Variants in VPS13B observed in about 807,000 individuals in gnomAD.
VPS13B encodes intermembrane lipid transfer protein VPS13B.
A neutral mutation model predicts 426.4 loss-of-function variants in VPS13B; 285 were observed. The ratio of observed to expected loss-of-function variants is 0.67; its 90% CI spans 0.61 to 0.74. The LOEUF (loss-of-function observed/expected upper bound fraction) is 0.74, where lower values mean the gene tolerates loss of function less well. Ranked by LOEUF, VPS13B falls within the 30% of genes least tolerant of loss-of-function variation. VPS13B has a pLI of 0.00. For synonymous variants in VPS13B, 1,676 were observed against 1,676.4 expected, an observed-to-expected ratio of 1.00 and a Z score of 0.01; for missense variants, 4,537 against 4,782.6, an observed-to-expected ratio of 0.95 and a Z score of 1.51.
chr8:99,446,881 T>C (rs1342068723), intron 23 of VPS13B, among the ~76,000 whole-genome samples: 1 of 152,188 alleles, frequency 6.6e-6, no homozygotes, highest in East Asian at 1.9e-4. Context: ...AACCGCAAAT[T>C]AGTTTTCCTG....
At chr8:99,603,582 C>T (rs533170519) in intron 33 of VPS13B, among the ~76,000 whole-genome samples, 34 of 152,052 alleles carry the variant, frequency 2.2e-4, no homozygotes, top group Non-Finnish European at 3.7e-4. Flanking sequence ...GAATAATGGG[C>T]GGGTCATATA....
intron 3 of VPS13B, among the ~76,000 whole-genome samples, chr8:99,079,915 A>G (rs947998712): frequency 6.6e-6 from 1 of 151,482 alleles, no homozygotes; most frequent in African/African-American, 2.4e-5. Flanking sequence ...ACAAGAGCGA[A>G]ACTCCATCTC....
chr8:99,812,683 C>T (rs1346865909), intron 44 of VPS13B, among the ~76,000 whole-genome samples: 1 of 152,170 alleles, frequency 6.6e-6, no homozygotes, highest in Non-Finnish European at 1.5e-5. Flanking sequence ...TTCCATGTTT[C>T]CCATCTTTTT....
chr8:99,529,972 A>C (rs560918186), intron 30 of VPS13B, among the ~76,000 whole-genome samples: 67 of 152,260 alleles, frequency 4.4e-4, no homozygotes, highest in African/African-American at 1.6e-3. Flanking sequence ...GTCTAATCCA[A>C]TAATGCTTAT....
chr8:99,770,672 C>G (rs1811442398), intron 40 of VPS13B, among the ~76,000 whole-genome samples: 1 of 152,158 alleles, frequency 6.6e-6, no homozygotes, highest in African/African-American at 2.4e-5. Context: ...TGCAAAGGAA[C>G]CGGGAAAATA....
At chr8:99,030,135 CTTTTTTTT>C (rs58542671) in intron 2 of VPS13B, among the ~76,000 whole-genome samples, 3 of 75,732 alleles carry the variant, frequency 4.0e-5, no homozygotes, top group East Asian at 7.8e-4. Context: ...AAAATACATG[CTTTTTTTT>C]TTTTTTTTTT....
At chr8:99,206,509 A>C (rs1384554911) in intron 17 of VPS13B, among the ~76,000 whole-genome samples, 2 of 152,190 alleles carry the variant, frequency 1.3e-5, no homozygotes, top group African/African-American at 4.8e-5. Flanking sequence ...CATTAGGATC[A>C]TGTCGTTCTG....
rs947358902 is a variant in VPS13B, at chr8:99,152,694, A to G, written c.2014-3855A>G. 1.6e-4 allele frequency among the ~76,000 whole-genome samples: 25 copies of G among 151,782 alleles called. 1 individual carries two copies. On this transcript the variant is annotated intron_variant, in intron 14 of 61. Transcript: ENST00000357162. ...GTCTTTAGGCACATCCATGTTAGGG[A>G]CTGTTATGTCTTTTTACGGAATTGA...
intron 33 of VPS13B, among the ~76,000 whole-genome samples, chr8:99,585,547 G>T (rs1027803359): frequency 6.6e-6 from 1 of 152,072 alleles, no homozygotes; most frequent in Non-Finnish European, 1.5e-5. Context: ...ATCAATTAAC[G>T]TAAAGCACTA....
intron 3 of VPS13B, among the ~76,000 whole-genome samples, chr8:99,088,807 T>G (rs1845983872): frequency 6.6e-6 from 1 of 152,224 alleles, no homozygotes; most frequent in Admixed American, 6.5e-5. Flanking sequence ...AGTTTCTTTT[T>G]ACAGCTTGAT....
intron 3 of VPS13B, among the ~76,000 whole-genome samples, chr8:99,082,380 A>G (rs1262510998): frequency 6.6e-6 from 1 of 152,208 alleles, no homozygotes; most frequent in Non-Finnish European, 1.5e-5. Context: ...TCCGATGAGT[A>G]AATTGCAAAA....
chr8:99,835,737 A>G lies in VPS13B; in HGVS notation c.9941A>G (p.Gln3314Arg), dbSNP rs558911841. 107 of 1,614,118 alleles carry G rather than the reference A, an allele frequency of 6.6e-5. 2 individuals carry two copies. The East Asian group carries it at 2.4e-3, about 36-fold the overall frequency. ...DAIDINSQGT[Q>R]VVFLTGFGYV... ...ATTGACATCAACAGTCAGGGAACAC[A>G]GGTCAGTGAGCCATGTGTTCCTGCC... Residue 3314 changes from glutamine to arginine, a missense_variant and splice_region_variant, in exon 54 of 62, where the codon CAG becomes CGG. By Grantham distance (43) the Gln-to-Arg change is conservative. Around this residue, in one of 2 missense-constraint regions of VPS13B, gnomAD observed 4,311 missense variants for 4,474.3 expected, o/e 0.96. Coordinates refer to ENST00000357162, the MANE Select transcript of VPS13B (RefSeq NM_152564.5).
At chr8:99,486,066 T>A (rs1306706096) in intron 25 of VPS13B, among the ~76,000 whole-genome samples, 2 of 152,190 alleles carry the variant, frequency 1.3e-5, no homozygotes, top group African/African-American at 4.8e-5. Context: ...GAGCCCTCTG[T>A]TGCAGAATTG....
intron 25 of VPS13B, 144 bp downstream of exon 25, chr8:99,481,946 C>T (rs558136415): frequency 2.2e-5 from 22 of 998,386 alleles, no homozygotes; most frequent in South Asian, 1.5e-4. Context: ...GCAGCAGTGA[C>T]TGTCTATTCC....
chr8:99,288,405 C>A (rs1451516294), intron 19 of VPS13B, among the ~76,000 whole-genome samples: 1 of 151,896 alleles, frequency 6.6e-6, no homozygotes, highest in Non-Finnish European at 1.5e-5. Context: ...TTATTTTCAA[C>A]CAATTATTTA....
chr8:99,159,578 G>A (rs1025098277), intron 15 of VPS13B, among the ~76,000 whole-genome samples: 7 of 152,200 alleles, frequency 4.6e-5, no homozygotes, highest in African/African-American at 1.7e-4. Context: ...ATCCTGATTA[G>A]TAAGGAGCCA....
intron 4 of VPS13B, among the ~76,000 whole-genome samples, chr8:99,096,790 T>TA (rs1846448466): frequency 6.6e-6 from 1 of 151,774 alleles, no homozygotes; most frequent in African/African-American, 2.4e-5. Context: ...ATTGTTTTAG[T>TA]ACTTTGTAGA....
chr8:99,690,142 T>C (rs1344451184), intron 35 of VPS13B, among the ~76,000 whole-genome samples: 1 of 152,164 alleles, frequency 6.6e-6, no homozygotes, highest in African/African-American at 2.4e-5. Flanking sequence ...ATCCAATTTA[T>C]CTAAAATATT....
chr8:99,245,063 G>C (rs1002209833), intron 17 of VPS13B, among the ~76,000 whole-genome samples: 1 of 152,090 alleles, frequency 6.6e-6, no homozygotes, highest in Middle Eastern at 3.2e-3. Context: ...TTTCTCTCTT[G>C]TTTCACAATC....
Sources: gnomAD v4.1 joint callset for allele counts (sites outside exome capture counted in the v4.1 genomes callset) on GRCh38, gnomAD v4.1.1 for gene constraint, gnomAD v4.1.1 regional missense constraint, MANE v1.5 for transcripts, NCBI Gene and HGNC (gene_info 2026-07-23, HGNC 2026-07-21) for gene names.